Variants in RASEF observed in about 807,000 individuals in gnomAD.
The protein encoded by RASEF is ras and EF-hand domain-containing protein.
A neutral mutation model predicts 90.1 loss-of-function variants in RASEF; 68 were observed. That is an observed-to-expected ratio of 0.75 (90% CI 0.62 to 0.92). The LOEUF (loss-of-function observed/expected upper bound fraction) is 0.92, where lower values mean the gene tolerates loss of function less well. Ranked by LOEUF, RASEF falls within the 40% of genes least tolerant of loss-of-function variation. The probability of loss-of-function intolerance (pLI) is 0.00; values close to 1 mark genes in which losing one functional copy is unlikely to be tolerated. For synonymous variants in RASEF, 331 were observed against 345.2 expected (o/e 0.96, Z 0.46); for missense variants, 949 against 937.2 (o/e 1.01, Z -0.16).
chr9:83,084,765 G>A, the RASEF span, among the ~76,000 whole-genome samples: 1 of 151,960 alleles, frequency 6.6e-6, no homozygotes, highest in Non-Finnish European at 1.5e-5. Context: ...TCATCTTCAC[G>A]TATGTATGAC....
the RASEF span, among the ~76,000 whole-genome samples, chr9:83,179,075 T>C: frequency 6.6e-6 from 1 of 152,302 alleles, no homozygotes; most frequent in Middle Eastern, 3.4e-3. Flanking sequence ...ATAACAACCA[T>C]GATCATGTTT....
the RASEF span, among the ~76,000 whole-genome samples, chr9:83,210,198 C>T: frequency 6.6e-6 from 1 of 152,108 alleles, no homozygotes; most frequent in African/African-American, 2.4e-5. Flanking sequence ...TGCAGAGCTC[C>T]ATATTTGCAA....
chr9:83,088,540 T>C, the RASEF span, among the ~76,000 whole-genome samples: 2 of 152,054 alleles, frequency 1.3e-5, no homozygotes, highest in African/African-American at 4.8e-5. Context: ...TCAATATTGC[T>C]GAATGGCCTA....
At chr9:83,036,910 A>G (rs1829750667) in intron 1 of RASEF, among the ~76,000 whole-genome samples, 1 of 152,126 alleles carries the variant, frequency 6.6e-6, no homozygotes, top group Admixed American at 6.5e-5. Flanking sequence ...TTTTAAAAAA[A>G]GCTTCTCAGT....
chr9:83,000,846 G>C (rs972554128), intron 10 of RASEF, 50 bp downstream of exon 10: 2 of 1,455,758 alleles, frequency 1.4e-6, no homozygotes, highest in Non-Finnish European at 1.9e-6. Context: ...TAAGGTGACA[G>C]ATTTCAATCA....
the RASEF span, among the ~76,000 whole-genome samples, chr9:83,208,222 C>T: frequency 6.6e-6 from 1 of 152,150 alleles, no homozygotes. Flanking sequence ...CTGAACTCTG[C>T]CCTGACATCC....
intron 12 of RASEF, among the ~76,000 whole-genome samples, chr9:82,998,893 A>C (rs1057185568): frequency 7.2e-5 from 11 of 152,254 alleles, no homozygotes; most frequent in Admixed American, 3.9e-4. Flanking sequence ...TATATGTATA[A>C]ATGTATGTAT....
chr9:83,072,612 A>G, the RASEF span, among the ~76,000 whole-genome samples: 2 of 152,172 alleles, frequency 1.3e-5, no homozygotes, highest in Non-Finnish European at 2.9e-5. Context: ...CTGGCAAACC[A>G]CTAGTGTAAG....
At chr9:83,159,041 C>G in the RASEF span, among the ~76,000 whole-genome samples, 24 of 151,984 alleles carry the variant, frequency 1.6e-4, no homozygotes, top group African/African-American at 5.8e-4. Flanking sequence ...AAAAAATTAG[C>G]CAGGCGTGGT....
At chr9:83,153,374 T>C in the RASEF span, among the ~76,000 whole-genome samples, 2 of 152,244 alleles carry the variant, frequency 1.3e-5, no homozygotes, top group Admixed American at 6.5e-5. Flanking sequence ...TTACTGCTTA[T>C]ATGAAATTTC....
chr9:83,205,880 G>A, the RASEF span, among the ~76,000 whole-genome samples: 1 of 152,132 alleles, frequency 6.6e-6, no homozygotes, highest in Admixed American at 6.5e-5. Context: ...ACACCGTATA[G>A]ACATTTCCTA....
intron 9 of RASEF, among the ~76,000 whole-genome samples, chr9:83,002,088 A>G (rs963577966): frequency 1.3e-5 from 2 of 152,182 alleles, no homozygotes; most frequent in Admixed American, 1.3e-4. Flanking sequence ...ATCTAAGTTT[A>G]CCAATTATGG....
chr9:83,127,784 T>C, the RASEF span, among the ~76,000 whole-genome samples: 185 of 152,244 alleles, frequency 1.2e-3, 1 homozygote, highest in African/African-American at 4.2e-3. Context: ...ACCTGGCAAG[T>C]CTACCAAGAT....
In RASEF at chr9:83,001,116, G is replaced by A. The variant is rs745517292; in HGVS notation, c.1217C>T (p.Ser406Phe). The change falls in exon 10 of 17, where the codon TCC (serine) becomes TTC (phenylalanine). Residue 406 changes from serine (S) to phenylalanine (F), a missense_variant. This residue lies in a region of RASEF where 656 missense variants were observed against 592.2 expected (regional missense o/e 1.11). Transcript: ENST00000376447. ...PLGYDRSSRS[S>F]YVDEDCDSLA... ...GGAGTCACAGTCCTCATCCACATAG[G>A]AAGAGCGGGATGACCTGGTAATAAA... 3.7e-6 allele frequency: 6 copies of A among 1,612,844 alleles called. No individual in the cohort carries two copies. The highest frequency in any genetic ancestry group is 1.7e-6 in the Non-Finnish European group (2 of 1,178,916).
intron 1 of RASEF, among the ~76,000 whole-genome samples, chr9:83,037,419 T>C (rs766353300): frequency 3.3e-5 from 5 of 150,950 alleles, no homozygotes; most frequent in African/African-American, 5.0e-5. Flanking sequence ...AGATAGAACA[T>C]ACAATCTTAT....
In RASEF at chr9:83,030,966, C is replaced by G. The variant is rs185664654; in HGVS notation, c.432-5045G>C. Among the ~76,000 whole-genome samples, 12 of 152,246 alleles carry G rather than the reference C, an allele frequency of 7.9e-5. No individual in the cohort carries two copies. The East Asian group carries it at 2.1e-3, about 27-fold the overall frequency. On this transcript the variant is annotated intron_variant, in intron 1 of 16. Transcript: ENST00000376447. The stretch of plus-strand genomic sequence containing the variant: ...CCCACTTTCTCCCTCATCCTCATCA[C>G]CGAAGTGAAAAACTCCAATATGGCT...
the RASEF span, among the ~76,000 whole-genome samples, chr9:83,186,942 C>T: frequency 6.6e-6 from 1 of 152,106 alleles, no homozygotes; most frequent in Non-Finnish European, 1.5e-5. Flanking sequence ...CCCCAGCATG[C>T]CCACGATCTG....
chr9:82,992,846 C>T (rs764221217), intron 15 of RASEF, 60 bp downstream of exon 15: 33 of 1,560,900 alleles, frequency 2.1e-5, no homozygotes, highest in Non-Finnish European at 2.5e-5. Context: ...GAAAGGCCAC[C>T]GACTTCAAAG....
At chr9:83,045,392 C>T (rs903109969) in intron 1 of RASEF, among the ~76,000 whole-genome samples, 6 of 152,180 alleles carry the variant, frequency 3.9e-5, no homozygotes, top group Non-Finnish European at 8.8e-5. Flanking sequence ...TTTTAAATAT[C>T]ATTCAACAGG....
Sources: gnomAD v4.1 joint callset for allele counts (sites outside exome capture counted in the v4.1 genomes callset) on GRCh38, gnomAD v4.1.1 for gene constraint, gnomAD v4.1.1 regional missense constraint, MANE v1.5 for transcripts, NCBI Gene and HGNC (gene_info 2026-07-23, HGNC 2026-07-21) for gene names.